WWC1: variants seen among roughly 807,000 people sequenced by gnomAD.
The protein encoded by WWC1 is WW and C2 domain containing 1.
WWC1 carries 55 observed loss-of-function variants against 138.4 expected under a neutral mutation model. That is an observed-to-expected ratio of 0.40 (90% CI 0.32 to 0.50). The LOEUF (loss-of-function observed/expected upper bound fraction) is 0.50. WWC1 is among the 20% of genes least tolerant of loss of function. WWC1 has a pLI of 0.72. For missense variants in WWC1, 1,226 were observed against 1,420.4 expected, an observed-to-expected ratio of 0.86 and a Z score of 2.20; for synonymous variants, 524 against 564.9, an observed-to-expected ratio of 0.93 and a Z score of 1.03.
intron 1 of WWC1, among the ~76,000 whole-genome samples, chr5:168,310,281 A>G (rs376566383): frequency 6.6e-6 from 1 of 152,056 alleles, no homozygotes; most frequent in African/African-American, 2.4e-5. Context: ...AGAAATTTCC[A>G]TATACCCTTT....
At chr5:168,395,592 C>T (rs1158912335) in intron 3 of WWC1, among the ~76,000 whole-genome samples, 1 of 152,188 alleles carries the variant, frequency 6.6e-6, no homozygotes, top group East Asian at 1.9e-4. Context: ...AGGTCTATCC[C>T]TGAAATCCCC....
At chr5:168,434,460 T>C (rs1782194265) in intron 15 of WWC1, among the ~76,000 whole-genome samples, 2 of 152,212 alleles carry the variant, frequency 1.3e-5, no homozygotes, top group Non-Finnish European at 1.5e-5. Context: ...GCATCTGTAC[T>C]GAGTTGAGTC....
At chr5:168,312,571 A>G (rs1031653280) in intron 1 of WWC1, among the ~76,000 whole-genome samples, 3 of 152,260 alleles carry the variant, frequency 2.0e-5, no homozygotes, top group African/African-American at 7.2e-5. Context: ...TAAAATGTTA[A>G]TGGTTATTAC....
chr5:168,374,045 C>CA (rs200314568), intron 2 of WWC1, among the ~76,000 whole-genome samples: 11,393 of 99,380 alleles, frequency 0.11, 653 homozygotes, highest in Non-Finnish European at 0.15. Flanking sequence ...GATTCTGTAC[C>CA]AAAAAAAAAA....
rs1755090549 is a variant in WWC1, at chr5:168,444,806, A to G, written c.2525+221A>G. Among the ~76,000 whole-genome samples the G allele has an allele frequency of 2.0e-5, 3 of 151,768 alleles. No homozygotes were observed. The South Asian group carries it at 6.2e-4, about 32-fold the overall frequency. ...CCATTTCGTTTCCCATGAATCACCT[A>G]TGCTAGTTCACACCTAATGTTATTC... On this transcript the variant is annotated intron_variant, in intron 17 of 22. Transcript: ENST00000265293.
intron 17 of WWC1, 139 bp downstream of exon 17, chr5:168,444,724 C>T (rs974155192): frequency 2.3e-6 from 2 of 859,124 alleles, no homozygotes; most frequent in Non-Finnish European, 3.6e-6. Context: ...GGGTTCTCTA[C>T]AGGCAAAAAG....
chr5:168,441,674 C>T lies in WWC1; in HGVS notation c.2281-8C>T, dbSNP rs1754780086. 1 of 1,613,138 alleles carries T rather than the reference C, an allele frequency of 6.2e-7. No homozygotes were observed. Among genetic ancestry groups the T allele is most frequent in the Non-Finnish European group, 8.5e-7 (1 of 1,179,484 alleles). On this transcript the variant is annotated splice_region_variant and splice_polypyrimidine_tract_variant and intron_variant, in intron 15 of 22. Coordinates refer to ENST00000265293, the MANE Select transcript of WWC1 (RefSeq NM_015238.3). ...CACTTATGTTCTCCTTGTTTCCATC[C>T]CCAACAGGGAGGCGCCCAGATCAGC...
intron 1 of WWC1, among the ~76,000 whole-genome samples, chr5:168,321,360 G>C (rs967902081): frequency 2.6e-5 from 4 of 152,070 alleles, no homozygotes; most frequent in African/African-American, 9.7e-5. Flanking sequence ...TTTCCTTAGC[G>C]AGGCAGGAAG....
Position 168,348,384 on chromosome 5 carries a change from G to C in WWC1, c.120-23040G>C, listed in dbSNP as rs188350449. 2.2e-3 allele frequency among the ~76,000 whole-genome samples: 339 copies of C among 152,350 alleles called. 2 individuals carry two copies. Among genetic ancestry groups the C allele is most frequent in the African/African-American group, 7.4e-3 (309 of 41,574 alleles). ...TCAGGATGTTTGCAGGCTTTATTCT[G>C]CCTGGGCAGTGACCCAGGCTCCTTT... On this transcript the variant is annotated intron_variant, in intron 1 of 22. Coordinates refer to ENST00000265293, the MANE Select transcript of WWC1 (RefSeq NM_015238.3).
At chr5:168,361,347 C>G (rs566849207) in intron 1 of WWC1, among the ~76,000 whole-genome samples, 1 of 152,114 alleles carries the variant, frequency 6.6e-6, no homozygotes, top group African/African-American at 2.4e-5. Context: ...CTTCATTCTA[C>G]TGTGGTGTGG....
chr5:168,358,742 T>TA (rs1425339283), intron 1 of WWC1, among the ~76,000 whole-genome samples: 4 of 152,160 alleles, frequency 2.6e-5, no homozygotes, highest in Non-Finnish European at 5.9e-5. Context: ...TGAAGTCTAC[T>TA]AAATGGTATG....
chr5:168,297,580 C>T (rs946211136), intron 1 of WWC1, among the ~76,000 whole-genome samples: 3 of 147,384 alleles, frequency 2.0e-5, no homozygotes, highest in Non-Finnish European at 4.4e-5. Context: ...GAGCCAAGAT[C>T]GCGCCATTGC....
At chr5:168,350,429 T>C (rs1048541024) in intron 1 of WWC1, among the ~76,000 whole-genome samples, 3 of 152,200 alleles carry the variant, frequency 2.0e-5, no homozygotes, top group Non-Finnish European at 4.4e-5. Flanking sequence ...AAATGGGTGC[T>C]TGGTGGCAGA....
At chr5:168,428,819 A>G (rs1324706906) in intron 13 of WWC1, 32 bp downstream of exon 13, 21 of 1,611,134 alleles carry the variant, frequency 1.3e-5, no homozygotes, top group Non-Finnish European at 1.8e-5. Flanking sequence ...GACAGAAGGA[A>G]CGGTCTGTGT....
chr5:168,464,707 G>T (rs985822793), intron 20 of WWC1, 22 bp from the exon 21 acceptor site: 1 of 1,613,766 alleles, frequency 6.2e-7, no homozygotes, highest in African/African-American at 1.3e-5. Context: ...AATAACAAGA[G>T]AAGCCGTCCC....
Position 168,452,698 on chromosome 5 carries a change from A to T in WWC1, c.2526-1270A>T, listed in dbSNP as rs141824890. On this transcript the variant is annotated intron_variant, in intron 17 of 22. Transcript: ENST00000265293. ...TGTACATGAATGTACAAGAAGCTTT[A>T]TTCATACTTGCTTGGAAATGTAAGT... 2.7e-3 allele frequency among the ~76,000 whole-genome samples: 404 copies of T among 152,326 alleles called. 4 individuals carry two copies. Among genetic ancestry groups the T allele is most frequent in the African/African-American group, 8.7e-3 (362 of 41,566 alleles).
At position 168,292,231 on chromosome 5, in the gene WWC1, C is replaced by G; in HGVS notation, c.79C>G (p.His27Asp). The G allele has an allele frequency of 6.3e-7, 1 of 1,593,310 alleles. No individual in the cohort carries two copies. Among genetic ancestry groups the G allele is most frequent in the East Asian group, 2.3e-5 (1 of 43,820 alleles). ...CGACGGCAAGGTCTACTACATAGAC[C>G]ACACGAACCGCACCACCAGCTGGAT... ...DFDGKVYYID[H>D]TNRTTSWIDP... The change falls in exon 1 of 23, where the codon CAC becomes GAC. Residue 27 changes from histidine to aspartate, a missense_variant. Around this residue, in one of 3 missense-constraint regions of WWC1, gnomAD observed 1,016 missense variants for 1,153.9 expected, o/e 0.88. Coordinates refer to ENST00000265293, the MANE Select transcript of WWC1 (RefSeq NM_015238.3). This position sits in a 1 kb window ranked among gnomAD's most constrained non-coding sequence, Gnocchi z 4.4.
chr5:168,307,330 C>A (rs1222339732), intron 1 of WWC1, among the ~76,000 whole-genome samples: 3 of 152,204 alleles, frequency 2.0e-5, no homozygotes, highest in African/African-American at 7.2e-5. Context: ...TCAAGGAGAG[C>A]AACCCCGAAC....
intron 15 of WWC1, among the ~76,000 whole-genome samples, chr5:168,439,630 C>CAA (rs59747531): frequency 2.9e-4 from 35 of 120,962 alleles, no homozygotes; most frequent in Admixed American, 4.3e-4. Context: ...AACTCTGTCT[C>CAA]AAAAAAAAAA....
Sources: allele counts gnomAD v4.1 joint callset (sites outside exome capture counted in the v4.1 genomes callset), GRCh38; gene constraint gnomAD v4.1.1; regional missense constraint gnomAD v4.1.1; non-coding constraint Gnocchi (gnomAD v3.1); transcripts MANE v1.5; gene names NCBI Gene and HGNC (gene_info 2026-07-23, HGNC 2026-07-21).